HEATR4: variants seen among roughly 807,000 people sequenced by gnomAD.
HEATR4 encodes the protein HEAT repeat containing 4, also known as HEAT repeat-containing protein 4.
In HEATR4, 95 loss-of-function variants were observed where a neutral mutation model predicts 108.8. The observed-to-expected ratio is 0.87, with a 90% CI of 0.74 to 1.04. HEATR4 has a LOEUF of 1.04. Ranked by LOEUF, HEATR4 falls within the 50% of genes least tolerant of loss-of-function variation. The pLI, the probability that HEATR4 is intolerant of heterozygous loss-of-function variation, is 0.00. For missense variants in HEATR4, 1,152 were observed against 1,253.8 expected (o/e 0.92, Z 1.23); for synonymous variants, 443 against 459.4 (o/e 0.96, Z 0.46).
the HEATR4 span, among the ~76,000 whole-genome samples, chr14:73,608,788 G>A: frequency 1.3e-3 from 191 of 152,256 alleles, 1 homozygote; most frequent in African/African-American, 4.0e-3. Context: ...GATAATTTAC[G>A]AAGGAAAGAG....
the HEATR4 span, among the ~76,000 whole-genome samples, chr14:73,625,072 A>ATTTG: frequency 8.6e-5 from 13 of 151,764 alleles, no homozygotes; most frequent in African/African-American, 3.2e-4. Context: ...TTATTTATTT[A>ATTTG]TTTATGAGAT....
intron 17 of HEATR4, chr14:73,491,063 C>T (rs754502395): frequency 1.2e-5 from 19 of 1,593,208 alleles, no homozygotes; most frequent in Admixed American, 1.7e-5. Context: ...GCGCGGGCGG[C>T]CGAAGCGCCG....
the HEATR4 span, among the ~76,000 whole-genome samples, chr14:73,599,001 CA>C: frequency 2.1e-5 from 3 of 144,100 alleles, no homozygotes; most frequent in African/African-American, 2.5e-5. Context: ...GAGACTGTCT[CA>C]AAAAAAAAAC....
Position 73,522,447 on chromosome 14 carries a change from A to G in HEATR4, c.706T>C (p.Phe236Leu), listed in dbSNP as rs983852010. 13 of 1,614,218 alleles carry G rather than the reference A, an allele frequency of 8.1e-6. No homozygotes were observed. In the East Asian group the frequency reaches 2.7e-4, roughly 33 times the overall value. Residue 236 changes from phenylalanine (F) to leucine (L), a missense_variant, in exon 3 of 18, where the codon TTC becomes CTC. Coordinates refer to ENST00000553558, the MANE Select transcript of HEATR4 (RefSeq NM_001220484.1). ...CTCCAGTCGTACTGCTGGCGCAGGA[A>G]GCTCTGCCACTTGTTGGGGGATGCC... Reference protein sequence around the residue: ...PGASPNKWQSFLRQQYDWSHI... With the variant: ...PGASPNKWQSLLRQQYDWSHI...
chr14:73,582,709 C>G, the HEATR4 span: 1 of 151,970 alleles, frequency 6.6e-6, no homozygotes, highest in African/African-American at 2.4e-5. Context: ...AGAAGACCAC[C>G]CGGAACATGC....
At chr14:73,487,650 C>T (rs1466826791) in intron 17 of HEATR4, among the ~76,000 whole-genome samples, 1 of 152,112 alleles carries the variant, frequency 6.6e-6, no homozygotes, top group Admixed American at 6.6e-5. Flanking sequence ...GTGCTAAATG[C>T]AAGACGGGAT....
At chr14:73,570,043 C>T in the HEATR4 span, among the ~76,000 whole-genome samples, 193 of 151,888 alleles carry the variant, frequency 1.3e-3, no homozygotes, top group African/African-American at 4.6e-3. Flanking sequence ...ATCTTCCCGC[C>T]TCTGCCTCCC....
chr14:73,569,996 A>G, the HEATR4 span: 1 of 1,426,870 alleles, frequency 7.0e-7, no homozygotes, highest in Non-Finnish European at 9.2e-7. Flanking sequence ...CCCGGGCTAT[A>G]TTGCCCAGGC....
chr14:73,570,903 T>TA, the HEATR4 span, among the ~76,000 whole-genome samples: 466 of 137,460 alleles, frequency 3.4e-3, 3 homozygotes, highest in African/African-American at 6.0e-3. Context: ...GACTCTATCT[T>TA]AAAAAAAAAA....
chr14:73,489,481 T>C (rs994281684), intron 17 of HEATR4, among the ~76,000 whole-genome samples: 2 of 152,148 alleles, frequency 1.3e-5, no homozygotes, highest in African/African-American at 4.8e-5. Context: ...GCTTGAAACA[T>C]TGTAAACCCT....
chr14:73,618,103 A>G, the HEATR4 span, among the ~76,000 whole-genome samples: 1 of 152,068 alleles, frequency 6.6e-6, no homozygotes, highest in Non-Finnish European at 1.5e-5. Context: ...AGATTACACC[A>G]TTGCACTCTA....
the HEATR4 span, among the ~76,000 whole-genome samples, chr14:73,572,350 AAAAG>A: frequency 2.0e-5 from 3 of 152,020 alleles, no homozygotes; most frequent in Non-Finnish European, 2.9e-5. Flanking sequence ...AAAAGAAAAA[AAAAG>A]AATCAACATG....
At position 73,514,403 on chromosome 14, in the gene HEATR4, G is replaced by A. The variant is rs149386888; in HGVS notation, c.1211-169C>T. On this transcript the variant is annotated intron_variant, in intron 5 of 17. Transcript: ENST00000553558. ...ATGGGGAACTGAGTACATGTACACA[G>A]GGAATTATGGAAAGTCCTGACTAGA... Among the ~76,000 whole-genome samples the A allele has an allele frequency of 8.3e-4, 126 of 152,246 alleles. 1 individual carries two copies. The highest frequency in any genetic ancestry group is 2.9e-3 in the African/African-American group (120 of 41,536).
chr14:73,622,631 C>G, the HEATR4 span, among the ~76,000 whole-genome samples: 1 of 151,742 alleles, frequency 6.6e-6, no homozygotes, highest in East Asian at 1.9e-4. Context: ...AACTCCTGAC[C>G]TCAGGTGATC....
intron 16 of HEATR4, among the ~76,000 whole-genome samples, chr14:73,494,257 GTT>G (rs780588767): frequency 6.6e-6 from 1 of 152,206 alleles, no homozygotes; most frequent in African/African-American, 2.4e-5. Context: ...GAAGACCTGG[GTT>G]TGGGGTGGTA....
Position 73,493,059 on chromosome 14 carries a change from C to T in HEATR4, c.2844+7G>A, listed in dbSNP as rs1188065076. The T allele has an allele frequency of 6.2e-7, 1 of 1,607,050 alleles. No individual in the cohort carries two copies. Among genetic ancestry groups the T allele is most frequent in the African/African-American group, 1.4e-5 (1 of 73,392 alleles). ...ACCTTGATAAGCATCAGTGTGCTCA[C>T]ATTTACCTTTATCACTGCTTCAGTG... On this transcript the variant is annotated splice_region_variant and intron_variant, in intron 17 of 17. Transcript: ENST00000553558.
At chr14:73,531,446 A>T (rs187496705) in intron 1 of HEATR4, among the ~76,000 whole-genome samples, 1,015 of 83,254 alleles carry the variant, frequency 0.012, 184 homozygotes, top group African/African-American at 0.037. Flanking sequence ...TTTGCGAGGG[A>T]GTCTCACTCT....
the HEATR4 span, chr14:73,619,608 T>C: frequency 2.5e-6 from 4 of 1,614,074 alleles, no homozygotes; most frequent in Non-Finnish European, 3.4e-6. Flanking sequence ...TACAAGCTCA[T>C]GGGAAAGAAA....
At chr14:73,569,482 T>C in the HEATR4 span, 3 of 1,612,650 alleles carry the variant, frequency 1.9e-6, no homozygotes, top group Non-Finnish European at 2.5e-6. Context: ...GACGAACCGG[T>C]GCGAATCGCC....
Sources: gnomAD v4.1 joint callset for allele counts (sites outside exome capture counted in the v4.1 genomes callset) on GRCh38, gnomAD v4.1.1 for gene constraint, MANE v1.5 for transcripts, NCBI Gene and HGNC (gene_info 2026-07-23, HGNC 2026-07-21) for gene names.